The following ACIN1 variants were observed in gnomAD, a reference collection of about 807,000 sequenced individuals.
The protein encoded by ACIN1 is apoptotic chromatin condensation inducer in the nucleus.
ACIN1 carries 16 observed loss-of-function variants against 146.6 expected under a neutral mutation model. The ratio of observed to expected loss-of-function variants is 0.11; its 90% confidence interval spans 0.07 to 0.17. The LOEUF is 0.17. ACIN1 is among the 10% of genes least tolerant of loss of function. The probability of loss-of-function intolerance (pLI) is 1.00; values close to 1 mark genes in which losing one functional copy is unlikely to be tolerated. For missense variants in ACIN1, 1,357 were observed against 1,609.3 expected (o/e 0.84, Z 2.68); for synonymous variants, 569 against 582.7 (o/e 0.98, Z 0.34).
chr14:23,080,169 G>C lies in ACIN1; in HGVS notation c.1166C>G (p.Ala389Gly), dbSNP rs749914558. The change falls in exon 6 of 19, where the codon GCT becomes GGT. Residue 389 changes from alanine (A) to glycine (G), a missense_variant. Coordinates refer to ENST00000605057, the MANE Select transcript of ACIN1 (RefSeq NM_001386863.1). ...EIEPMEGPAP[A>G]VLIQLSPPNT... The stretch of plus-strand genomic sequence containing the variant: ...AGGAGGAGATAACTGAATGAGGACA[G>C]CGGGGGCTGGGCCTTCCATGGGCTC... 24 of 1,614,054 alleles carry C rather than the reference G, an allele frequency of 1.5e-5. No homozygotes were observed. Among genetic ancestry groups the C allele is most frequent in the Non-Finnish European group, 2.0e-5 (24 of 1,179,976 alleles).
intron 9 of ACIN1, 137 bp from the exon 10 acceptor site, chr14:23,066,145 C>G: frequency 3.0e-6 from 2 of 666,904 alleles, no homozygotes; most frequent in South Asian, 2.0e-5. Context: ...CAGAGAGAGA[C>G]ACAGAGACAG....
intron 3 of ACIN1, among the ~76,000 whole-genome samples, 168 bp from the exon 4 acceptor site, chr14:23,090,269 T>G (rs1332561400): frequency 6.6e-6 from 1 of 152,244 alleles, no homozygotes; most frequent in Non-Finnish European, 1.5e-5. Context: ...CTACTTCATC[T>G]AAATGGTAGC....
At position 23,092,604 on chromosome 14, in the gene ACIN1, C is replaced by A. The variant is rs1354315785; in HGVS notation, c.204+875G>T. ...GAGACTTCATCTAGTACTGAGGCTG[C>A]ACACTATTGCTTTAACAAAGACTTG... is the stretch of plus-strand genomic sequence containing the variant. On this transcript the variant is annotated intron_variant, in intron 2 of 18. Coordinates refer to ENST00000605057, the MANE Select transcript of ACIN1 (RefSeq NM_001386863.1). 3.9e-5 allele frequency among the ~76,000 whole-genome samples: 6 copies of A among 152,176 alleles called. No individual in the cohort carries two copies. In the East Asian group the frequency reaches 1.2e-3, roughly 29 times the overall value.
rs987194147 is a variant in ACIN1 at position 23,073,713 on chromosome 14, G to C, written c.2124-4096C>G. Among the ~76,000 whole-genome samples, 3 of 152,122 alleles carry C rather than the reference G, an allele frequency of 2.0e-5. No individual in the cohort carries two copies. In the South Asian group the frequency reaches 6.2e-4, roughly 32 times the overall value. On this transcript the variant is annotated intron_variant, in intron 8 of 18. Transcript: ENST00000605057. ...TCCCCACAAACAATGTTACACCACAGAAAATGTTACCTTCAGCCATCCTCA... is the reference window on the plus strand; with the variant it reads ...TCCCCACAAACAATGTTACACCACACAAAATGTTACCTTCAGCCATCCTCA...
At chr14:23,094,203 T>C (rs1416201895) in intron 1 of ACIN1, among the ~76,000 whole-genome samples, 3 of 152,116 alleles carry the variant, frequency 2.0e-5, no homozygotes, top group Admixed American at 6.6e-5. Context: ...CCAGACCTAA[T>C]CTGCACTACC....
In ACIN1 at chr14:23,059,120, G is replaced by A; in HGVS notation, c.*28C>T. ...CATAACCCCCTGGGGCCGAGTGGCT[G>A]GTACCTGCAGCTCTAGTGTTTTCCC... is the stretch of plus-strand genomic sequence containing the variant. On this transcript the variant is annotated 3_prime_UTR_variant, in exon 19 of 19. Transcript: ENST00000605057. 6.2e-7 allele frequency: 1 copy of A among 1,606,620 alleles called. No homozygotes were observed. The highest frequency in any genetic ancestry group is 8.5e-7 in the Non-Finnish European group (1 of 1,175,582).
At chr14:23,094,690 A>C (rs955209513) in intron 1 of ACIN1, 3 of 677,474 alleles carry the variant, frequency 4.4e-6, no homozygotes, top group African/African-American at 3.7e-5. Context: ...AACCACAGAT[A>C]CAAACAAGGA....
At chr14:23,064,082 A>G (rs1323327330) in intron 12 of ACIN1, 23 bp downstream of exon 12, 1 of 1,613,494 alleles carries the variant, frequency 6.2e-7, no homozygotes, top group Non-Finnish European at 8.5e-7. Flanking sequence ...CTTTCCCCTG[A>G]CACTGGGGTG....
Position 23,067,752 on chromosome 14 carries a change from A to AC in ACIN1, c.2265+1723dup. ...AGTGGCAAGCTGCAGCAATAACACC[A>AC]CCCAATACTTGGAATCCAGGTGATG... On this transcript the variant is annotated intron_variant, in intron 9 of 18. Transcript: ENST00000605057. This position sits in a 1 kb window ranked among gnomAD's most constrained non-coding sequence, Gnocchi z 4.6. 6.1e-6 allele frequency: 6 copies of AC among 985,604 alleles called. No individual in the cohort carries two copies. Among genetic ancestry groups the AC allele is most frequent in the Non-Finnish European group, 7.2e-6 (6 of 829,902 alleles). 61.1% of individuals were successfully genotyped at this position (985,604 alleles called of 1,614,324 possible).
chr14:23,094,050 G>C (rs1480107270), intron 1 of ACIN1, among the ~76,000 whole-genome samples: 1 of 152,074 alleles, frequency 6.6e-6, no homozygotes, highest in Non-Finnish European at 1.5e-5. Context: ...CAAAGAGGAA[G>C]CTACAGAAGA....
In ACIN1 at chr14:23,068,160, T is replaced by G. The variant is rs566037491; in HGVS notation, c.2265+1316A>C. On this transcript the variant is annotated intron_variant, in intron 9 of 18. Transcript: ENST00000605057. This position sits in a 1 kb window ranked among gnomAD's most constrained non-coding sequence, Gnocchi z 4.3. ...ATCCCCAGGGGCTCAGACCCTAGAC[T>G]CCTCTGCACGGTTCCTAGTCGTCAC... The G allele has an allele frequency of 3.0e-6, 3 of 985,862 alleles. No individual in the cohort carries two copies. In the South Asian group the frequency reaches 1.4e-4, roughly 46 times the overall value. The allele number at this position is 985,862 out of a possible 1,614,324, so 61.1% of individuals were successfully genotyped here.
intron 1 of ACIN1, chr14:23,094,524 T>C (rs1274920609): frequency 1.3e-5 from 13 of 985,176 alleles, no homozygotes; most frequent in Non-Finnish European, 1.6e-5. Context: ...CATTTTACCC[T>C]ACCCCAGTCC....
chr14:23,088,165 G>T (rs1204344003), intron 4 of ACIN1, among the ~76,000 whole-genome samples: 31 of 151,826 alleles, frequency 2.0e-4, no homozygotes, highest in Admixed American at 1.3e-4. Context: ...ATTTTTTTTT[G>T]TTTTATGTGA....
chr14:23,063,153 T>G (rs2047341227), intron 13 of ACIN1, 79 bp from the exon 14 acceptor site: 3 of 1,449,560 alleles, frequency 2.1e-6, no homozygotes, highest in African/African-American at 1.4e-5. Flanking sequence ...CTCTCACGGT[T>G]CCCTTTCTTT....
chr14:23,088,506 A>G (rs2048143240), intron 4 of ACIN1, among the ~76,000 whole-genome samples: 1 of 152,166 alleles, frequency 6.6e-6, no homozygotes. Context: ...GTCTCCTAAA[A>G]AATCTATTTC....
At chr14:23,071,686 C>A in intron 8 of ACIN1, 1 of 918,172 alleles carries the variant, frequency 1.1e-6, no homozygotes. Context: ...AGGGAGCCGA[C>A]TGCTGGCTCC....
rs566145240 is a variant in ACIN1 at position 23,059,472 on chromosome 14, G to A, written c.3528C>T (p.Ile1176=). 1.1e-5 allele frequency: 17 copies of A among 1,613,050 alleles called. No individual in the cohort carries two copies. The East Asian group carries it at 2.0e-4, about 19-fold the overall frequency. Residue 1176 remains isoleucine, a splice_region_variant and synonymous_variant, in exon 19 of 19, where the codon ATC becomes ATT. Transcript: ENST00000605057. Reference sequence around the variant, plus strand: ...CGGCCCGCTCTGCCTCTTTCTGAACGATCTGTAGCCAGGTAGGAAAGGCAG... The same window carrying A: ...CGGCCCGCTCTGCCTCTTTCTGAACAATCTGTAGCCAGGTAGGAAAGGCAG... ...IYWLPLTDSQ[I]VQKEAERAER...
chr14:23,095,142 C>A (rs775675648), upstream of ACIN1: 2 of 1,614,252 alleles, frequency 1.2e-6, no homozygotes, highest in East Asian at 2.2e-5. Flanking sequence ...TCCGTCCCGA[C>A]GGCTTCGGGC....
At chr14:23,069,750 T>C in intron 8 of ACIN1, 133 bp from the exon 9 acceptor site, 1 of 788,210 alleles carries the variant, frequency 1.3e-6, no homozygotes, top group Non-Finnish European at 2.0e-6. Context: ...GGGCTGCTTT[T>C]CTGATCAAGG....
Sources: gnomAD v4.1 joint callset for allele counts (sites outside exome capture counted in the v4.1 genomes callset) on GRCh38, gnomAD v4.1.1 for gene constraint, Gnocchi (gnomAD v3.1) non-coding constraint, MANE v1.5 for transcripts, NCBI Gene and HGNC (gene_info 2026-07-23, HGNC 2026-07-21) for gene names.